Variants in GALNT18 observed in about 807,000 individuals in gnomAD.
GALNT18 encodes GalNAc-transferase 18.
GALNT18 carries 44 observed loss-of-function variants against 69.5 expected under a neutral mutation model. The ratio of observed to expected loss-of-function variants is 0.63; its 90% CI spans 0.50 to 0.81. GALNT18 has a LOEUF of 0.81. Among genes scored for constraint, GALNT18 ranks in the 40% least tolerant of loss-of-function variants. The pLI is 0.00. For synonymous variants in GALNT18, 364 were observed against 318.2 expected (o/e 1.14, Z -1.53); for missense variants, 715 against 810.0 (o/e 0.88, Z 1.42).
intron 3 of GALNT18, among the ~76,000 whole-genome samples, chr11:11,424,000 C>T (rs554408004): frequency 1.2e-4 from 19 of 152,312 alleles, no homozygotes; most frequent in African/African-American, 4.6e-4. Flanking sequence ...GAGTCTCAGG[C>T]CCAGGCCTGG....
intron 6 of GALNT18, among the ~76,000 whole-genome samples, chr11:11,346,266 G>GTA (rs1188295427): frequency 2.0e-5 from 3 of 152,172 alleles, no homozygotes; most frequent in African/African-American, 7.2e-5. Context: ...GTTTACCACT[G>GTA]TATACATCAG....
chr11:11,302,775 G>C (rs746264258), intron 9 of GALNT18, among the ~76,000 whole-genome samples: 1 of 152,208 alleles, frequency 6.6e-6, no homozygotes, highest in Non-Finnish European at 1.5e-5. Flanking sequence ...CATCGCACTC[G>C]GATATCTCAA....
At chr11:11,284,642 T>A (rs1413889883) in intron 10 of GALNT18, among the ~76,000 whole-genome samples, 1 of 152,232 alleles carries the variant, frequency 6.6e-6, no homozygotes, top group Non-Finnish European at 1.5e-5. Context: ...AATACTTCTC[T>A]GCTTATTTTA....
chr11:11,385,703 G>C (rs1026340470), intron 3 of GALNT18, among the ~76,000 whole-genome samples: 5 of 152,182 alleles, frequency 3.3e-5, no homozygotes, highest in African/African-American at 1.2e-4. Flanking sequence ...TACAGAAGTA[G>C]TTGTCAATTA....
At chr11:11,458,588 C>T (rs903637937) in intron 1 of GALNT18, among the ~76,000 whole-genome samples, 2 of 152,234 alleles carry the variant, frequency 1.3e-5, no homozygotes, top group African/African-American at 2.4e-5. Flanking sequence ...GATGCTTGGG[C>T]CTTGCCCGAG....
Position 11,598,806 on chromosome 11 carries a change from A to C in GALNT18, c.235+22553T>G, listed in dbSNP as rs1166985286. 1.3e-5 allele frequency among the ~76,000 whole-genome samples: 2 copies of C among 152,114 alleles called. No individual in the cohort carries two copies. The highest frequency in any genetic ancestry group is 4.8e-5 in the African/African-American group (2 of 41,414). On this transcript the variant is annotated intron_variant, in intron 1 of 10. Transcript: ENST00000227756. This position sits in a 1 kb window ranked among gnomAD's most constrained non-coding sequence, Gnocchi z 4.8. Reference sequence around the variant, plus strand: ...TTGTGTTTTCATTTTCATTCACCTCAAAATAGTGTGCAATTTCCCTTTTCT... The same window carrying C: ...TTGTGTTTTCATTTTCATTCACCTCCAAATAGTGTGCAATTTCCCTTTTCT...
In GALNT18 at chr11:11,600,433, CT is replaced by C. The variant is rs201176009; in HGVS notation, c.235+20925del. Among the ~76,000 whole-genome samples, 1,878 of 152,020 alleles carry C rather than the reference CT, an allele frequency of 0.012. 47 individuals are homozygous for C. The highest frequency in any genetic ancestry group is 0.043 in the African/African-American group (1,798 of 41,496). ...TTGCTGTGTAATGATTCTTGGTTAACTTTTTTTTCTTTCAGCACTTTGAATA... is the reference window on the plus strand; with the variant it reads ...TTGCTGTGTAATGATTCTTGGTTAACTTTTTTTCTTTCAGCACTTTGAATA... On this transcript the variant is annotated intron_variant, in intron 1 of 10. Transcript: ENST00000227756. The surrounding 1 kb of genome is among the most constrained non-coding windows in gnomAD (Gnocchi z 4.8).
intron 1 of GALNT18, among the ~76,000 whole-genome samples, chr11:11,560,055 T>G (rs906604744): frequency 7.6e-6 from 1 of 131,766 alleles, no homozygotes; most frequent in African/African-American, 2.9e-5. Flanking sequence ...TGGGATGGGA[T>G]AGGATGGGAT....
In GALNT18 at chr11:11,299,950, T is replaced by A. The variant is rs771244188; in HGVS notation, c.1513-6757A>T. 5.3e-5 allele frequency among the ~76,000 whole-genome samples: 8 copies of A among 152,220 alleles called. No individual in the cohort carries two copies. The South Asian group carries it at 8.3e-4, about 16-fold the overall frequency. ...TCTACCAACACCTCAATACCTATGT[T>A]ATGCCTCTGCAGAAATTCTGGAGCC... On this transcript the variant is annotated intron_variant, in intron 9 of 10. Coordinates refer to ENST00000227756, the MANE Select transcript of GALNT18 (RefSeq NM_198516.3).
At chr11:11,284,156 C>G (rs1340682111) in intron 10 of GALNT18, among the ~76,000 whole-genome samples, 1 of 152,208 alleles carries the variant, frequency 6.6e-6, no homozygotes, top group Non-Finnish European at 1.5e-5. Flanking sequence ...TGTGCGTAGA[C>G]TGGGGCGTGT....
chr11:11,535,160 A>G (rs1025568589), intron 1 of GALNT18, among the ~76,000 whole-genome samples: 7 of 152,244 alleles, frequency 4.6e-5, no homozygotes, highest in African/African-American at 1.7e-4. Flanking sequence ...TGCTTTTTAC[A>G]TAATACAAAA....
At chr11:11,504,067 A>C (rs1857024173) in intron 1 of GALNT18, among the ~76,000 whole-genome samples, 1 of 152,208 alleles carries the variant, frequency 6.6e-6, no homozygotes, top group Non-Finnish European at 1.5e-5. Flanking sequence ...GCAAACACTG[A>C]ATAGGTTTCC....
Position 11,437,282 on chromosome 11 carries a change from C to G in GALNT18, c.429-4495G>C, listed in dbSNP as rs534765763. 2.0e-5 allele frequency among the ~76,000 whole-genome samples: 3 copies of G among 152,304 alleles called. No individual in the cohort carries two copies. In the South Asian group the frequency reaches 6.2e-4, roughly 32 times the overall value. On this transcript the variant is annotated intron_variant, in intron 2 of 10. Transcript: ENST00000227756. ...GTAAAATTAAGCCATAAAAACCTCC[C>G]TTTTTACTTTTATTCTTGTTGAAAG...
chr11:11,328,014 AC>A (rs1410024364), intron 8 of GALNT18, among the ~76,000 whole-genome samples: 1 of 152,102 alleles, frequency 6.6e-6, no homozygotes, highest in Non-Finnish European at 1.5e-5. Context: ...CCTAAACAGA[AC>A]CCAGAGACTG....
At chr11:11,504,876 AC>A (rs1182253682) in intron 1 of GALNT18, among the ~76,000 whole-genome samples, 1 of 152,120 alleles carries the variant, frequency 6.6e-6, no homozygotes, top group Admixed American at 6.5e-5. Flanking sequence ...GCCTTGGATG[AC>A]TCAGAGATGA....
chr11:11,354,416 C>T (rs1333956092), intron 6 of GALNT18, among the ~76,000 whole-genome samples: 1 of 152,150 alleles, frequency 6.6e-6, no homozygotes, highest in Non-Finnish European at 1.5e-5. Flanking sequence ...CCTCTGGGGC[C>T]AAACAGTCTT....
intron 9 of GALNT18, among the ~76,000 whole-genome samples, chr11:11,310,775 A>T (rs1849659244): frequency 1.3e-5 from 2 of 152,228 alleles, no homozygotes; most frequent in Non-Finnish European, 2.9e-5. Context: ...AACCGATTTC[A>T]GAAAAAGCAT....
In GALNT18 at chr11:11,426,470, C is replaced by T. The variant is rs1228246230; in HGVS notation, c.595+6151G>A. Among the ~76,000 whole-genome samples, 3 of 152,182 alleles carry T rather than the reference C, an allele frequency of 2.0e-5. No homozygotes were observed. In the East Asian group the frequency reaches 5.8e-4, roughly 29 times the overall value. ...GCCATGCTAAAATGCAGGTTTCAGG[C>T]CTTGCCCCAGATCTACAGATTCAAA... is the stretch of plus-strand genomic sequence containing the variant. On this transcript the variant is annotated intron_variant, in intron 3 of 10. Transcript: ENST00000227756.
rs886661665 is a variant in GALNT18, at chr11:11,601,842, T to C, written c.235+19517A>G. On this transcript the variant is annotated intron_variant, in intron 1 of 10. Transcript: ENST00000227756. This position sits in a 1 kb window ranked among gnomAD's most constrained non-coding sequence, Gnocchi z 4.0. ...TATAACAAAACAACATTGAAGGAAA[T>C]GACGTTATTTGAGGACCTGCCTGAT... is the stretch of plus-strand genomic sequence containing the variant. 6.6e-6 allele frequency among the ~76,000 whole-genome samples: 1 copy of C among 152,164 alleles called. No homozygotes were observed. The highest frequency in any genetic ancestry group is 2.4e-5 in the African/African-American group (1 of 41,430).
Sources: gnomAD v4.1 joint callset for allele counts (sites outside exome capture counted in the v4.1 genomes callset) on GRCh38, gnomAD v4.1.1 for gene constraint, Gnocchi (gnomAD v3.1) non-coding constraint, MANE v1.5 for transcripts, NCBI Gene and HGNC (gene_info 2026-07-23, HGNC 2026-07-21) for gene names.